The following TMEM260 variants were observed in gnomAD, a reference collection of about 807,000 sequenced individuals.
TMEM260 encodes protein O-mannosyl-transferase TMEM260.
Under a neutral mutation model 88.9 loss-of-function variants are expected in TMEM260, and 82 were observed. That is an observed-to-expected ratio of 0.92 (90% CI 0.77 to 1.11). TMEM260 has a LOEUF of 1.11. Ranked by LOEUF, TMEM260 falls within the 50% of genes least tolerant of loss-of-function variation. TMEM260 has a pLI of 0.00. For missense variants in TMEM260, 902 were observed against 853.4 expected (o/e 1.06, Z -0.71); for synonymous variants, 314 against 309.3 (o/e 1.02, Z -0.16).
intron 3 of TMEM260, 85 bp downstream of exon 3, chr14:56,585,997 C>A (rs1566525424): frequency 3.6e-6 from 5 of 1,396,730 alleles, no homozygotes; most frequent in African/African-American, 1.4e-5. Context: ...TTAAAAAAAT[C>A]TTTTGTTGCT....
At chr14:56,631,734 TCTG>T (rs1469849628) in intron 12 of TMEM260, among the ~76,000 whole-genome samples, 3 of 152,142 alleles carry the variant, frequency 2.0e-5, no homozygotes, top group African/African-American at 7.2e-5. Flanking sequence ...CCGGTTAAAC[TCTG>T]CTGTTTTGCC....
At chr14:56,627,187 A>G (rs1888293956) in intron 12 of TMEM260, among the ~76,000 whole-genome samples, 2 of 152,188 alleles carry the variant, frequency 1.3e-5, no homozygotes, top group Non-Finnish European at 2.9e-5. Flanking sequence ...ACTAACAAAG[A>G]TCACTGCATA....
At chr14:56,659,936 AG>A in the TMEM260 span, among the ~76,000 whole-genome samples, 1 of 152,138 alleles carries the variant, frequency 6.6e-6, no homozygotes, top group South Asian at 2.1e-4. Flanking sequence ...GTGGGTTGCA[AG>A]AAGGGGAGAA....
In TMEM260 at chr14:56,647,612, A is replaced by G; in HGVS notation, c.*115A>G. 1 of 1,159,826 alleles carries G rather than the reference A, an allele frequency of 8.6e-7. No individual in the cohort carries two copies. The highest frequency in any genetic ancestry group is 1.2e-6 in the Non-Finnish European group (1 of 845,954). The allele number at this position is 1,159,826 out of a possible 1,614,324, so 71.8% of individuals were successfully genotyped here. On this transcript the variant is annotated 3_prime_UTR_variant, in exon 16 of 16. Transcript: ENST00000261556. ...AAAATTTAAAACTAAGTCATCTCCCAGATATAAGTATCATGGTCCAGCAGT... is the reference window on the plus strand; with the variant it reads ...AAAATTTAAAACTAAGTCATCTCCCGGATATAAGTATCATGGTCCAGCAGT...
intron 3 of TMEM260, among the ~76,000 whole-genome samples, chr14:56,597,984 G>A (rs1055718046): frequency 6.6e-6 from 1 of 152,078 alleles, no homozygotes; most frequent in Non-Finnish European, 1.5e-5. Context: ...AGGTTCTATG[G>A]GGCATCCAGA....
At chr14:56,632,956 A>G (rs779392297) in intron 12 of TMEM260, 39 bp from the exon 13 acceptor site, 1 of 1,552,312 alleles carries the variant, frequency 6.4e-7, no homozygotes. Context: ...TTAAAACTTT[A>G]AATTTTAAGT....
intron 13 of TMEM260, among the ~76,000 whole-genome samples, chr14:56,634,531 T>C (rs1295829939): frequency 2.0e-5 from 3 of 152,188 alleles, no homozygotes; most frequent in African/African-American, 4.8e-5. Context: ...AAAACAGTTA[T>C]GACCTATCCA....
chr14:56,632,765 C>CTGTT (rs1888714457), intron 12 of TMEM260, among the ~76,000 whole-genome samples: 1 of 152,076 alleles, frequency 6.6e-6, no homozygotes, highest in Non-Finnish European at 1.5e-5. Flanking sequence ...TGCTTTGAGA[C>CTGTT]TGTTAATTAT....
intron 1 of TMEM260, among the ~76,000 whole-genome samples, chr14:56,583,249 G>GT (rs1262514441): frequency 6.6e-6 from 1 of 152,154 alleles, no homozygotes; most frequent in Admixed American, 6.5e-5. Context: ...TTGAGACATT[G>GT]TGAGACCATA....
At chr14:56,582,837 C>CTA (rs1885226149) in intron 1 of TMEM260, among the ~76,000 whole-genome samples, 1 of 152,084 alleles carries the variant, frequency 6.6e-6, no homozygotes, top group Non-Finnish European at 1.5e-5. Context: ...AGATCTTTAT[C>CTA]AAGGTTACAT....
the TMEM260 span, among the ~76,000 whole-genome samples, chr14:56,657,451 T>TA: frequency 7.0e-6 from 1 of 142,852 alleles, no homozygotes; most frequent in African/African-American, 3.0e-5. Context: ...CCCATTCACT[T>TA]ACGTTTACTA....
chr14:56,610,135 G>A (rs888626021), intron 6 of TMEM260, among the ~76,000 whole-genome samples: 1 of 152,114 alleles, frequency 6.6e-6, no homozygotes, highest in Non-Finnish European at 1.5e-5. Flanking sequence ...CAAGGTAGTA[G>A]TTACTACTGT....
chr14:56,635,287 T>C (rs1181509539), intron 14 of TMEM260, among the ~76,000 whole-genome samples: 1 of 152,224 alleles, frequency 6.6e-6, no homozygotes, highest in Non-Finnish European at 1.5e-5. Flanking sequence ...GTGAGTGTAA[T>C]CGATTGAGTA....
chr14:56,601,909 G>T (rs1246804349), intron 3 of TMEM260, among the ~76,000 whole-genome samples: 1 of 152,028 alleles, frequency 6.6e-6, no homozygotes, highest in East Asian at 1.9e-4. Context: ...CTAATTTTGT[G>T]CTAGAGCTAC....
rs772597178 is a variant in TMEM260, at chr14:56,621,513, T to G, written c.1227-18T>G. 38 of 1,577,280 alleles carry G rather than the reference T, an allele frequency of 2.4e-5. No individual in the cohort carries two copies. The highest frequency in any genetic ancestry group is 3.1e-5 in the Non-Finnish European group (36 of 1,162,816). On this transcript the variant is annotated intron_variant, in intron 10 of 15. Coordinates refer to ENST00000261556, the MANE Select transcript of TMEM260 (RefSeq NM_017799.4). Reference sequence around the variant, plus strand: ...GCAAAGTGTTGCTATTTTAATTTTTTTGGATCCTTTTATTTAGTGTTTGTG... The same window carrying G: ...GCAAAGTGTTGCTATTTTAATTTTTGTGGATCCTTTTATTTAGTGTTTGTG...
chr14:56,644,271 A>G (rs538525481), intron 15 of TMEM260, among the ~76,000 whole-genome samples: 1 of 152,362 alleles, frequency 6.6e-6, no homozygotes, highest in East Asian at 1.9e-4. Context: ...ACAAGGCTAC[A>G]CTAACCAAAA....
At chr14:56,661,584 G>T in the TMEM260 span, among the ~76,000 whole-genome samples, 1 of 151,484 alleles carries the variant, frequency 6.6e-6, no homozygotes, top group African/African-American at 2.4e-5. Context: ...AGGAAGGGAG[G>T]GAAGGAAGGA....
the TMEM260 span, among the ~76,000 whole-genome samples, chr14:56,659,439 C>A: frequency 1.3e-5 from 2 of 152,104 alleles, no homozygotes; most frequent in East Asian, 3.9e-4. Context: ...AGGCCACAGG[C>A]CTGCCACCAG....
At position 56,605,684 on chromosome 14, in the gene TMEM260, G is replaced by A. The variant is rs745924486; in HGVS notation, c.636+1G>A. ...TCTCTTTCAACTTTTAAAAAAGAAGGTACGTTTTTGAATTTTGTAAAAAAA... is the reference window on the plus strand; with the variant it reads ...TCTCTTTCAACTTTTAAAAAAGAAGATACGTTTTTGAATTTTGTAAAAAAA... On this transcript the variant is annotated splice_donor_variant, in intron 5 of 15. Coordinates refer to ENST00000261556, the MANE Select transcript of TMEM260 (RefSeq NM_017799.4). LOFTEE classifies it high-confidence loss of function. 1.3e-6 allele frequency: 2 copies of A among 1,513,462 alleles called. No homozygotes were observed. Among genetic ancestry groups the A allele is most frequent in the Non-Finnish European group, 1.8e-6 (2 of 1,112,150 alleles). 93.8% of individuals were successfully genotyped at this position (1,513,462 alleles called of 1,614,324 possible). A position where few individuals can be genotyped will look rare whatever the true frequency, so the allele number is the denominator to read the frequency against.
Sources: allele counts gnomAD v4.1 joint callset (sites outside exome capture counted in the v4.1 genomes callset), GRCh38; gene constraint gnomAD v4.1.1; transcripts MANE v1.5; gene names NCBI Gene and HGNC (gene_info 2026-07-23, HGNC 2026-07-21).